Variants in FLOT1 observed in about 807,000 individuals in gnomAD.
FLOT1 encodes flotillin-1.
FLOT1 carries 40 observed loss-of-function variants against 58.4 expected under a neutral mutation model. The ratio of observed to expected loss-of-function variants is 0.69; its 90% confidence interval spans 0.53 to 0.89. The LOEUF (loss-of-function observed/expected upper bound fraction) is 0.89. Ranked by LOEUF, FLOT1 falls within the 40% of genes least tolerant of loss-of-function variation. FLOT1 has a pLI of 0.00. For missense variants in FLOT1, 423 were observed against 540.8 expected (o/e 0.78, Z 2.16); for synonymous variants, 178 against 204.2 (o/e 0.87, Z 1.09).
chr6:30,738,970 G>A lies in FLOT1; in HGVS notation c.723+1188C>T, dbSNP rs76131404. Among the ~76,000 whole-genome samples the A allele has an allele frequency of 6.7e-4, 102 of 152,274 alleles. 2 individuals carry two copies. In the East Asian group the frequency reaches 0.019, roughly 28 times the overall value. ...CTGCAAAAGATCCTGAAAGTGCTGCGACTTTATTGGTAACCTTTTGAGGTT... is the reference window on the plus strand; with the variant it reads ...CTGCAAAAGATCCTGAAAGTGCTGCAACTTTATTGGTAACCTTTTGAGGTT... On this transcript the variant is annotated intron_variant, in intron 8 of 12. Transcript: ENST00000376389.
In FLOT1 at chr6:30,741,684, G is replaced by T; in HGVS notation, c.140C>A (p.Thr47Asn). The T allele has an allele frequency of 6.2e-7, 1 of 1,612,756 alleles. No homozygotes were observed. The highest frequency in any genetic ancestry group is 1.3e-5 in the African/African-American group (1 of 75,032). The change falls in exon 4 of 13, where the codon ACC (threonine) becomes AAC (asparagine). Residue 47 changes from threonine to asparagine, a missense_variant. Transcript: ENST00000376389. This position sits in a 1 kb window ranked among gnomAD's most constrained non-coding sequence, Gnocchi z 5.9. ...QIQRISLNTL[T>N]LNVKSEKVYT... is the part of the protein sequence containing the mutation. Reference sequence around the variant, plus strand: ...AACCTTTTCACTCTTGACATTGAGGGTCAGTGTGTTGAGAGAGATCCTAGG... The same window carrying T: ...AACCTTTTCACTCTTGACATTGAGGTTCAGTGTGTTGAGAGAGATCCTAGG...
Position 30,740,435 on chromosome 6 carries a change from C to G in FLOT1, c.570+61G>C, listed in dbSNP as rs866201128. On this transcript the variant is annotated intron_variant, in intron 7 of 12. Coordinates refer to ENST00000376389, the MANE Select transcript of FLOT1 (RefSeq NM_005803.4). ...TTTCCCTGCTCACCCAGCACCCCTGCTTCTTCTCAGTTGTGCCACTTCTAT... is the reference window on the plus strand; with the variant it reads ...TTTCCCTGCTCACCCAGCACCCCTGGTTCTTCTCAGTTGTGCCACTTCTAT... 4.4e-6 allele frequency: 7 copies of G among 1,586,582 alleles called. No individual in the cohort carries two copies. In the African/African-American group the frequency reaches 8.1e-5, roughly 18 times the overall value.
chr6:30,733,887 G>GA (rs1004114075), intron 8 of FLOT1, among the ~76,000 whole-genome samples: 1 of 151,178 alleles, frequency 6.6e-6, no homozygotes, highest in Non-Finnish European at 1.5e-5. Context: ...CTCACCTCTA[G>GA]AAAAAAATTT....
chr6:30,728,707 T>G (rs1166515391), intron 12 of FLOT1, among the ~76,000 whole-genome samples: 2 of 152,046 alleles, frequency 1.3e-5, no homozygotes, highest in African/African-American at 2.4e-5. Flanking sequence ...TGACCTCAGC[T>G]GATCGTCCAC....
chr6:30,733,126 C>A (rs772429337), intron 8 of FLOT1, among the ~76,000 whole-genome samples: 58 of 152,244 alleles, frequency 3.8e-4, no homozygotes, highest in Admixed American at 1.3e-3. Context: ...ATCTCCATCT[C>A]CCAGGTTCAA....
chr6:30,735,799 G>A (rs183857061), intron 8 of FLOT1, among the ~76,000 whole-genome samples: 1 of 152,280 alleles, frequency 6.6e-6, no homozygotes, highest in Non-Finnish European at 1.5e-5. Context: ...GAAGCACTGG[G>A]TGCTGCCAGC....
rs1365520424 is a variant in FLOT1, at chr6:30,737,359, C to T, written c.723+2799G>A. ...GCTCACTGTGCCTTCTGGATTCAAGCGATTCTCACGCCTCAGCCTCCCAAG... is the reference window on the plus strand; with the variant it reads ...GCTCACTGTGCCTTCTGGATTCAAGTGATTCTCACGCCTCAGCCTCCCAAG... On this transcript the variant is annotated intron_variant, in intron 8 of 12. Transcript: ENST00000376389. The surrounding 1 kb of genome is among the most constrained non-coding windows in gnomAD (Gnocchi z 4.4). 1.3e-5 allele frequency among the ~76,000 whole-genome samples: 2 copies of T among 152,050 alleles called. No homozygotes were observed. Among genetic ancestry groups the T allele is most frequent in the Non-Finnish European group, 2.9e-5 (2 of 68,010 alleles).
intron 8 of FLOT1, among the ~76,000 whole-genome samples, chr6:30,732,475 C>G (rs1359689145): frequency 6.6e-6 from 1 of 152,098 alleles, no homozygotes; most frequent in Non-Finnish European, 1.5e-5. Flanking sequence ...GCCTCCCCCT[C>G]TAGAGTAGCT....
rs1777088912 is a variant in FLOT1 at position 30,730,505 on chromosome 6, T to C, written c.1012A>G (p.Met338Val). 6.2e-7 allele frequency: 1 copy of C among 1,610,676 alleles called. No individual in the cohort carries two copies. Among genetic ancestry groups the C allele is most frequent in the Admixed American group, 1.7e-5 (1 of 59,844 alleles). The change falls in exon 11 of 13, where the codon ATG becomes GTG. Residue 338 changes from methionine (M) to valine (V), a missense_variant. Physicochemically the swap from Met to Val is conservative, Grantham distance 21 (BLOSUM62 1). Coordinates refer to ENST00000376389, the MANE Select transcript of FLOT1 (RefSeq NM_005803.4). ...GARARAEAEQ[M>V]AKKAEAFQLY... is the part of the protein sequence containing the mutation. Reference sequence around the variant, plus strand: ...TGGAAGGCTTCTGCCTTCTTGGCCATCTGCTCAGCCTCGGCTCGGGCTCGG... The same window carrying C: ...TGGAAGGCTTCTGCCTTCTTGGCCACCTGCTCAGCCTCGGCTCGGGCTCGG...
At chr6:30,729,581 A>G (rs1777001230) in intron 12 of FLOT1, among the ~76,000 whole-genome samples, 1 of 152,222 alleles carries the variant, frequency 6.6e-6, no homozygotes, top group African/African-American at 2.4e-5. Context: ...ATTCGCAACA[A>G]AACAGTGGTT....
intron 11 of FLOT1, 114 bp downstream of exon 11, chr6:30,730,314 C>T: frequency 6.7e-7 from 1 of 1,492,448 alleles, no homozygotes; most frequent in East Asian, 2.3e-5. Flanking sequence ...TAATAATTCC[C>T]ACCCCTAATT....
rs1045335688 is a variant in FLOT1 at position 30,742,067 on chromosome 6, T to G, written c.43+80A>C. On this transcript the variant is annotated intron_variant, in intron 2 of 12. Coordinates refer to ENST00000376389, the MANE Select transcript of FLOT1 (RefSeq NM_005803.4). This position sits in a 1 kb window ranked among gnomAD's most constrained non-coding sequence, Gnocchi z 5.2. ...CAGAAGTCTGGTGCTGGGAAGTTGG[T>G]AGGGAGAGGGAGAAGGGGCAGAGGC... The G allele has an allele frequency of 1.1e-5, 16 of 1,445,722 alleles. No homozygotes were observed. Among genetic ancestry groups the G allele is most frequent in the Non-Finnish European group, 1.5e-5 (16 of 1,033,088 alleles). 89.6% of individuals were successfully genotyped at this position (1,445,722 alleles called of 1,614,324 possible). A position where few individuals can be genotyped will look rare whatever the true frequency, so the allele number is the denominator to read the frequency against.
chr6:30,740,449 T>C, intron 7 of FLOT1, 47 bp downstream of exon 7: 1 of 1,597,206 alleles, frequency 6.3e-7, no homozygotes, highest in Non-Finnish European at 8.6e-7. Context: ...TTCTCAGTTG[T>C]GCCACTTCTA....
Position 30,730,692 on chromosome 6 carries a change from G to A in FLOT1, c.941C>T (p.Ala314Val), listed in dbSNP as rs982085559. The A allele has an allele frequency of 1.2e-6, 2 of 1,613,510 alleles. No homozygotes were observed. The highest frequency in any genetic ancestry group is 1.7e-6 in the Non-Finnish European group (2 of 1,180,044). ...TGCCTCTTAACTCACCCGCACAGAC[G>A]CGGCTTCTGCCTCCGCCTGCATAAT... The part of the protein sequence containing the change: ...QLIMQAEAEA[A>V]SVRMRGEAEA... Residue 314 changes from alanine to valine, a missense_variant, in exon 10 of 13, where the codon GCG becomes GTG. Around this residue, in one of 6 missense-constraint regions of FLOT1, gnomAD observed 106 missense variants for 88.4 expected, o/e 1.20. Transcript: ENST00000376389.
At chr6:30,740,353 A>G (rs1360724203) in intron 7 of FLOT1, 43 bp from the exon 8 acceptor site, 2 of 1,609,034 alleles carry the variant, frequency 1.2e-6, no homozygotes, top group Admixed American at 1.7e-5. Flanking sequence ...GGGCAGGGGG[A>G]GAAAGGCCAC....
At chr6:30,733,192 C>T (rs183132541) in intron 8 of FLOT1, among the ~76,000 whole-genome samples, 142 of 152,128 alleles carry the variant, frequency 9.3e-4, no homozygotes, top group East Asian at 5.7e-3. Context: ...CCTGCCACCA[C>T]GCTCAGCTAA....
intron 8 of FLOT1, among the ~76,000 whole-genome samples, 171 bp from the exon 9 acceptor site, chr6:30,731,271 G>A (rs887592525): frequency 5.3e-5 from 8 of 152,260 alleles, no homozygotes; most frequent in Admixed American, 5.2e-4. Flanking sequence ...GATTGCCTGA[G>A]TTCAGGAGCT....
At chr6:30,730,887 G>A (rs191395699) in intron 9 of FLOT1, 32 bp downstream of exon 9, 4 of 1,603,610 alleles carry the variant, frequency 2.5e-6, no homozygotes, top group Admixed American at 1.7e-5. Context: ...GGTGGCAAGT[G>A]AGCTAGGCAG....
chr6:30,731,311 CCT>C (rs746053680), intron 8 of FLOT1, among the ~76,000 whole-genome samples: 8 of 151,986 alleles, frequency 5.3e-5, no homozygotes, highest in Non-Finnish European at 1.0e-4. Context: ...ATGGTGAAAC[CCT>C]GTCTCTACTA....
Sources: gnomAD v4.1 joint callset for allele counts (sites outside exome capture counted in the v4.1 genomes callset) on GRCh38, gnomAD v4.1.1 for gene constraint, gnomAD v4.1.1 regional missense constraint, Gnocchi (gnomAD v3.1) non-coding constraint, MANE v1.5 for transcripts, NCBI Gene and HGNC (gene_info 2026-07-23, HGNC 2026-07-21) for gene names.